The following OSTF1 variants were observed in gnomAD, a reference collection of about 807,000 sequenced individuals.
OSTF1 encodes the protein osteoclast-stimulating factor 1.
A neutral mutation model predicts 37.2 loss-of-function variants in OSTF1; 27 were observed. The observed-to-expected ratio is 0.73, with a 90% CI of 0.54 to 1.00. The LOEUF is 1.00. OSTF1 is among the 50% of genes least tolerant of loss of function. OSTF1 has a pLI of 0.00. For synonymous variants in OSTF1, 82 were observed against 89.2 expected (o/e 0.92, Z 0.46); for missense variants, 232 against 253.8 (o/e 0.91, Z 0.58).
intron 1 of OSTF1, among the ~76,000 whole-genome samples, chr9:75,116,575 T>G (rs150266092): frequency 2.0e-5 from 3 of 151,588 alleles, no homozygotes; most frequent in Non-Finnish European, 4.4e-5. Context: ...TTTTGGGACT[T>G]AATGGAATCA....
At chr9:75,111,892 C>T (rs554032934) in intron 1 of OSTF1, among the ~76,000 whole-genome samples, 13 of 118,166 alleles carry the variant, frequency 1.1e-4, no homozygotes, top group East Asian at 2.8e-4. Flanking sequence ...GGTGTGATCT[C>T]GGCTCACTAC....
At chr9:75,090,746 G>A (rs1017313640) in intron 1 of OSTF1, among the ~76,000 whole-genome samples, 1 of 152,034 alleles carries the variant, frequency 6.6e-6, no homozygotes, top group Non-Finnish European at 1.5e-5. Context: ...GCTGAGGTGG[G>A]AGGATTGCTT....
intron 2 of OSTF1, among the ~76,000 whole-genome samples, chr9:75,124,540 G>T (rs1463222958): frequency 2.0e-5 from 3 of 152,064 alleles, no homozygotes; most frequent in Admixed American, 2.0e-4. Flanking sequence ...GTTTTTCTGT[G>T]CCTGGCTTAT....
chr9:75,111,811 C>CTTTTTTTTTTT (rs535464490), intron 1 of OSTF1, among the ~76,000 whole-genome samples: 3 of 52,158 alleles, frequency 5.8e-5, no homozygotes, highest in African/African-American at 7.9e-5. Context: ...ATGTTTACTG[C>CTTTTTTTTTTT]TTTTTTTTTT....
At chr9:75,112,744 C>T (rs1825413693) in intron 1 of OSTF1, among the ~76,000 whole-genome samples, 2 of 152,162 alleles carry the variant, frequency 1.3e-5, no homozygotes, top group African/African-American at 2.4e-5. Flanking sequence ...TTGAATTTCA[C>T]CTAAACCCAT....
chr9:75,139,414 C>T (rs1192102165), intron 8 of OSTF1, among the ~76,000 whole-genome samples: 1 of 151,960 alleles, frequency 6.6e-6, no homozygotes, highest in Non-Finnish European at 1.5e-5. Flanking sequence ...TATGAACTGA[C>T]AAAGCCTTCT....
At chr9:75,107,514 T>A (rs1027756486) in intron 1 of OSTF1, among the ~76,000 whole-genome samples, 121 of 152,324 alleles carry the variant, frequency 7.9e-4, no homozygotes, top group Middle Eastern at 3.4e-3. Flanking sequence ...TTATCTGCTT[T>A]TGGGGGAAAT....
intron 1 of OSTF1, among the ~76,000 whole-genome samples, chr9:75,107,545 A>G (rs1410124143): frequency 1.3e-5 from 2 of 152,188 alleles, no homozygotes; most frequent in Non-Finnish European, 2.9e-5. Flanking sequence ...TGTTTTTTAT[A>G]TACTTGCTGA....
At chr9:75,115,420 T>C (rs1443443917) in intron 1 of OSTF1, among the ~76,000 whole-genome samples, 1 of 152,094 alleles carries the variant, frequency 6.6e-6, no homozygotes, top group East Asian at 1.9e-4. Flanking sequence ...GCCTCCTGAG[T>C]AGCAAGGACT....
intron 1 of OSTF1, among the ~76,000 whole-genome samples, chr9:75,104,057 G>A (rs1021212478): frequency 4.6e-5 from 7 of 151,832 alleles, no homozygotes; most frequent in African/African-American, 1.2e-4. Flanking sequence ...GTAAAATCCC[G>A]TCTCTACTAA....
intron 2 of OSTF1, among the ~76,000 whole-genome samples, chr9:75,122,401 C>T (rs1825594843): frequency 6.6e-6 from 1 of 152,196 alleles, no homozygotes; most frequent in Non-Finnish European, 1.5e-5. Context: ...CATGACCCAT[C>T]CAAGCCTAGT....
intron 1 of OSTF1, among the ~76,000 whole-genome samples, chr9:75,106,971 G>GAAAAAGAAAA (rs1825296886): frequency 2.8e-5 from 3 of 108,280 alleles, no homozygotes; most frequent in Non-Finnish European, 3.9e-5. Flanking sequence ...AAAAGAAAAA[G>GAAAAAGAAAA]AAAAAGAAAA....
intron 1 of OSTF1, among the ~76,000 whole-genome samples, chr9:75,097,705 AC>A (rs1404563749): frequency 2.0e-5 from 3 of 151,770 alleles, no homozygotes; most frequent in Non-Finnish European, 2.9e-5. Flanking sequence ...TGGGGGTTGG[AC>A]ATGCTTCATT....
chr9:75,107,295 T>TA (rs1344449289), intron 1 of OSTF1, among the ~76,000 whole-genome samples: 3 of 152,224 alleles, frequency 2.0e-5, no homozygotes, highest in Admixed American at 2.0e-4. Context: ...AAATAATTAA[T>TA]ACTTTTTCTT....
chr9:75,130,924 T>A (rs1254142165), intron 4 of OSTF1, among the ~76,000 whole-genome samples: 1 of 152,202 alleles, frequency 6.6e-6, no homozygotes, highest in Non-Finnish European at 1.5e-5. Flanking sequence ...CAATTTTTTT[T>A]AATGCTGATA....
intron 8 of OSTF1, among the ~76,000 whole-genome samples, chr9:75,138,607 T>A (rs905855549): frequency 6.6e-6 from 1 of 152,216 alleles, no homozygotes; most frequent in Admixed American, 6.5e-5. Context: ...ATTTCAGATA[T>A]GCTGGGTTAA....
At chr9:75,123,436 AC>A (rs1364318701) in intron 2 of OSTF1, among the ~76,000 whole-genome samples, 1 of 151,608 alleles carries the variant, frequency 6.6e-6, no homozygotes, top group Non-Finnish European at 1.5e-5. Context: ...AAACAAAAAA[AC>A]AAAAAACAAA....
chr9:75,110,279 C>T (rs887262512), intron 1 of OSTF1, among the ~76,000 whole-genome samples: 4 of 152,186 alleles, frequency 2.6e-5, no homozygotes, highest in Non-Finnish European at 4.4e-5. Context: ...CCTTGACAAC[C>T]ACTGATCTTT....
At chr9:75,117,631 G>T in intron 2 of OSTF1, 81 bp downstream of exon 2, 1 of 1,040,994 alleles carries the variant, frequency 9.6e-7, no homozygotes, top group South Asian at 1.3e-5. Context: ...TGGTGTGAAT[G>T]GTCTGCCTTT....
Sources: gnomAD v4.1 joint callset for allele counts (sites outside exome capture counted in the v4.1 genomes callset) on GRCh38, gnomAD v4.1.1 for gene constraint, MANE v1.5 for transcripts, NCBI Gene and HGNC (gene_info 2026-07-23, HGNC 2026-07-21) for gene names.